Variants in TMEM33 observed in about 807,000 individuals in gnomAD.
TMEM33 encodes transmembrane protein 33.
In TMEM33, 16 loss-of-function variants were observed where a neutral mutation model predicts 29.7. The ratio of observed to expected loss-of-function variants is 0.54; its 90% CI spans 0.36 to 0.82. The LOEUF is 0.82. TMEM33 is among the 40% of genes least tolerant of loss of function. The pLI is 0.00. For missense variants in TMEM33, 252 were observed against 295.3 expected (o/e 0.85, Z 1.08); for synonymous variants, 112 against 109.4 (o/e 1.02, Z -0.15).
At chr4:41,939,940 G>A (rs969687845) in intron 3 of TMEM33, 13 of 374,272 alleles carry the variant, frequency 3.5e-5, no homozygotes, top group South Asian at 2.7e-4. Context: ...TTTGGAATTT[G>A]TATGTTTTCA....
At position 41,953,502 on chromosome 4, in the gene TMEM33, A is replaced by G. The variant is rs2135751; in HGVS notation, c.615-568A>G. Among the ~76,000 whole-genome samples the G allele has an allele frequency of 7.9e-3, 1,204 of 152,318 alleles. 18 individuals are homozygous for G. Among genetic ancestry groups the G allele is most frequent in the African/African-American group, 0.027 (1,129 of 41,566 alleles). ...TTTCCTTTGCATTCACAGCTTGGCTATTTGGCACAAGAGGTCTAGCTTTTG... is the reference window on the plus strand; with the variant it reads ...TTTCCTTTGCATTCACAGCTTGGCTGTTTGGCACAAGAGGTCTAGCTTTTG... On this transcript the variant is annotated intron_variant, in intron 6 of 6. Coordinates refer to ENST00000504986, the MANE Select transcript of TMEM33 (RefSeq NM_018126.3).
chr4:41,939,437 T>C, intron 3 of TMEM33, 54 bp downstream of exon 3: 1 of 1,577,284 alleles, frequency 6.3e-7, no homozygotes. Flanking sequence ...ATATAGGAGA[T>C]CTCTTCTGAT....
In TMEM33 at chr4:41,960,765, G is replaced by GAAAA. The variant is rs34296933; in HGVS notation, c.*6572_*6575dup. 1.3e-5 allele frequency among the ~76,000 whole-genome samples: 2 copies of GAAAA among 149,842 alleles called. No homozygotes were observed. The highest frequency in any genetic ancestry group is 4.9e-5 in the African/African-American group (2 of 40,798). On this transcript the variant is annotated 3_prime_UTR_variant, in exon 7 of 7. Transcript: ENST00000504986. ...AAAAATGTGATCTAAGGTGTAACTG[G>GAAAA]AAAAAAAAAGGAAAGAAAAATTACA...
Position 41,960,050 on chromosome 4 carries a change from C to T in TMEM33, c.*5851C>T. On this transcript the variant is annotated 3_prime_UTR_variant, in exon 7 of 7. Transcript: ENST00000504986. ...AAATTCATTCCCCTGTATTCAAGAC[C>T]AAAGCACATAAATGCTAATGTAGGG... 1 of 152,052 alleles carries T rather than the reference C, an allele frequency of 6.6e-6. No individual in the cohort carries two copies. The highest frequency in any genetic ancestry group is 1.9e-4 in the East Asian group (1 of 5,196). 9.4% of individuals were successfully genotyped at this position (152,052 alleles called of 1,614,324 possible).
At chr4:41,935,640 T>A in intron 1 of TMEM33, 111 bp downstream of exon 1, 1 of 1,124,244 alleles carries the variant, frequency 8.9e-7, no homozygotes, top group Non-Finnish European at 1.3e-6. Flanking sequence ...GGAATGGGAT[T>A]AATGAGTTGG....
intron 3 of TMEM33, among the ~76,000 whole-genome samples, chr4:41,943,007 C>A (rs780161231): frequency 2.0e-5 from 3 of 152,098 alleles, no homozygotes; most frequent in Non-Finnish European, 4.4e-5. Context: ...TAAACTGTTA[C>A]CTTAGACTCT....
chr4:41,939,889 A>G, intron 3 of TMEM33: 1 of 424,266 alleles, frequency 2.4e-6, no homozygotes, highest in South Asian at 1.7e-5. Flanking sequence ...GAAAATAAGG[A>G]CACACATGGA....
rs900228087 is a variant in TMEM33, at chr4:41,955,345, G to A, written c.*1146G>A. 5 of 152,354 alleles carry A rather than the reference G, an allele frequency of 3.3e-5. No homozygotes were observed. The highest frequency in any genetic ancestry group is 1.2e-4 in the African/African-American group (5 of 41,414). 9.4% of individuals were successfully genotyped at this position (152,354 alleles called of 1,614,324 possible). A position where few individuals can be genotyped will look rare whatever the true frequency, so the allele number is the denominator to read the frequency against. ...GGATGTATTATTCAACTTTGATTTG[G>A]GTTGTAAAATGTGTTAAATCCTGTT... On this transcript the variant is annotated 3_prime_UTR_variant, in exon 7 of 7. Coordinates refer to ENST00000504986, the MANE Select transcript of TMEM33 (RefSeq NM_018126.3).
chr4:41,946,219 T>C lies in TMEM33; in HGVS notation c.530+1293T>C, dbSNP rs138969967. On this transcript the variant is annotated intron_variant, in intron 5 of 6. Transcript: ENST00000504986. ...CTTAATGCCAGTGTTTTCTTTAACA[T>C]AGATACCAGAATTGATTTTGCTAGT... Among the ~76,000 whole-genome samples the C allele has an allele frequency of 8.0e-4, 122 of 152,108 alleles. No homozygotes were observed. In the East Asian group the frequency reaches 0.023, roughly 28 times the overall value.
At chr4:41,947,424 A>T (rs1712843904) in intron 5 of TMEM33, among the ~76,000 whole-genome samples, 2 of 152,110 alleles carry the variant, frequency 1.3e-5, no homozygotes, top group Non-Finnish European at 2.9e-5. Flanking sequence ...TTCACTTTGG[A>T]ACTATAGTGA....
chr4:41,936,162 A>G (rs1712221043), intron 1 of TMEM33, among the ~76,000 whole-genome samples: 1 of 152,240 alleles, frequency 6.6e-6, no homozygotes, highest in South Asian at 2.1e-4. Flanking sequence ...CATTTGGGAA[A>G]TATTACCTAA....
chr4:41,943,008 C>T (rs1325309033), intron 3 of TMEM33, among the ~76,000 whole-genome samples: 1 of 152,120 alleles, frequency 6.6e-6, no homozygotes, highest in Non-Finnish European at 1.5e-5. Flanking sequence ...AAACTGTTAC[C>T]TTAGACTCTT....
Position 41,943,729 on chromosome 4 carries a change from C to A in TMEM33, c.329-18C>A. 1 of 1,610,822 alleles carries A rather than the reference C, an allele frequency of 6.2e-7. No homozygotes were observed. Among genetic ancestry groups the A allele is most frequent in the Non-Finnish European group, 8.5e-7 (1 of 1,177,716 alleles). ...TACTTGATGACTTTTAAATGTTTTC[C>A]TTAATTGTTTTCTTTAGTGAGTATC... On this transcript the variant is annotated intron_variant, in intron 3 of 6. Transcript: ENST00000504986.
At position 41,955,130 on chromosome 4, in the gene TMEM33, A is replaced by G. The variant is rs1263789346; in HGVS notation, c.*931A>G. The G allele has an allele frequency of 6.6e-6, 1 of 152,636 alleles. No individual in the cohort carries two copies. Among genetic ancestry groups the G allele is most frequent in the African/African-American group, 2.4e-5 (1 of 41,442 alleles). The allele number at this position is 152,636 out of a possible 1,614,324, so 9.5% of individuals were successfully genotyped here. A position where few individuals can be genotyped will look rare whatever the true frequency, so the allele number is the denominator to read the frequency against. ...TAATGAAGATTCAGCATCTGACTAT[A>G]TGTGTGTCTATCCTGAAATAATAAT... is the stretch of plus-strand genomic sequence containing the variant. On this transcript the variant is annotated 3_prime_UTR_variant, in exon 7 of 7. Coordinates refer to ENST00000504986, the MANE Select transcript of TMEM33 (RefSeq NM_018126.3).
chr4:41,956,101 C>G lies in TMEM33; in HGVS notation c.*1902C>G, dbSNP rs973462198. ...CAAGTGCTTCTCCTGCCTCAGCCTC[C>G]CGAGTAGCTGGGACTACAGGTGCAC... On this transcript the variant is annotated 3_prime_UTR_variant, in exon 7 of 7. Transcript: ENST00000504986. 1.3e-5 allele frequency: 2 copies of G among 152,178 alleles called. No individual in the cohort carries two copies. Among genetic ancestry groups the G allele is most frequent in the Non-Finnish European group, 2.9e-5 (2 of 68,100 alleles). The allele number at this position is 152,178 out of a possible 1,614,324, so 9.4% of individuals were successfully genotyped here. A position where few individuals can be genotyped will look rare whatever the true frequency, so the allele number is the denominator to read the frequency against.
intron 6 of TMEM33, among the ~76,000 whole-genome samples, chr4:41,950,047 T>C (rs1712969629): frequency 6.6e-6 from 1 of 152,144 alleles, no homozygotes; most frequent in Non-Finnish European, 1.5e-5. Context: ...AGTTTTAGGG[T>C]AAGAAGTTTG....
At chr4:41,941,016 A>G (rs1406811258) in intron 3 of TMEM33, among the ~76,000 whole-genome samples, 1 of 152,160 alleles carries the variant, frequency 6.6e-6, no homozygotes, top group Non-Finnish European at 1.5e-5. Context: ...AGTAATACTT[A>G]AGTATACATT....
At chr4:41,942,442 C>T (rs1435087293) in intron 3 of TMEM33, among the ~76,000 whole-genome samples, 2 of 151,958 alleles carry the variant, frequency 1.3e-5, no homozygotes, top group Non-Finnish European at 2.9e-5. Context: ...AAACTGGGAC[C>T]CTTGAATTCC....
Position 41,955,419 on chromosome 4 carries a change from C to T in TMEM33, c.*1220C>T, listed in dbSNP as rs1014732811. The T allele has an allele frequency of 3.9e-5, 6 of 152,390 alleles. No individual in the cohort carries two copies. The highest frequency in any genetic ancestry group is 2.1e-4 in the South Asian group (1 of 4,832). 9.4% of individuals were successfully genotyped at this position (152,390 alleles called of 1,614,324 possible). ...TAAAATTCATGCTGATCTTCATTAC[C>T]GTTGCATGATTGGAAATGTTTAAAA... On this transcript the variant is annotated 3_prime_UTR_variant, in exon 7 of 7. Coordinates refer to ENST00000504986, the MANE Select transcript of TMEM33 (RefSeq NM_018126.3).
Sources: gnomAD v4.1 joint callset for allele counts (sites outside exome capture counted in the v4.1 genomes callset) on GRCh38, gnomAD v4.1.1 for gene constraint, MANE v1.5 for transcripts, NCBI Gene and HGNC (gene_info 2026-07-23, HGNC 2026-07-21) for gene names.